HEATR4: variants seen among roughly 807,000 people sequenced by gnomAD.
HEATR4 encodes HEAT repeat-containing protein 4.
In HEATR4, 95 loss-of-function variants were observed where a neutral mutation model predicts 108.8. The ratio of observed to expected loss-of-function variants is 0.87; its 90% confidence interval spans 0.74 to 1.04. The LOEUF is 1.04. HEATR4 is among the 50% of genes least tolerant of loss of function. The pLI is 0.00. For missense variants in HEATR4, 1,152 were observed against 1,253.8 expected, an observed-to-expected ratio of 0.92 and a Z score of 1.23; for synonymous variants, 443 against 459.4, an observed-to-expected ratio of 0.96 and a Z score of 0.46.
At chr14:73,580,046 C>T in the HEATR4 span, among the ~76,000 whole-genome samples, 3 of 151,986 alleles carry the variant, frequency 2.0e-5, no homozygotes, top group African/African-American at 7.2e-5. Context: ...TGCAGTGAGC[C>T]AAGATTGTGT....
chr14:73,564,918 T>TA, the HEATR4 span, among the ~76,000 whole-genome samples: 8 of 151,846 alleles, frequency 5.3e-5, no homozygotes, highest in Non-Finnish European at 8.8e-5. Flanking sequence ...AATATCTTGG[T>TA]AAAAAATATA....
chr14:73,520,360 C>G (rs1356590547), intron 4 of HEATR4: 2 of 153,454 alleles, frequency 1.3e-5, no homozygotes, highest in African/African-American at 2.4e-5. Context: ...TTGTTAACAT[C>G]ACTTCACAAA....
chr14:73,512,411 A>ATTT (rs1325317138), intron 6 of HEATR4, among the ~76,000 whole-genome samples: 1 of 152,180 alleles, frequency 6.6e-6, no homozygotes, highest in Non-Finnish European at 1.5e-5. Context: ...TTTTCGTTGT[A>ATTT]ACCATCTGGG....
chr14:73,526,622 G>C (rs1406255640), intron 2 of HEATR4, among the ~76,000 whole-genome samples: 1 of 152,170 alleles, frequency 6.6e-6, no homozygotes, highest in Non-Finnish European at 1.5e-5. Context: ...TAAAGCACCA[G>C]GCAGAATCCT....
At chr14:73,484,922 G>A (rs1482460501) in intron 17 of HEATR4, among the ~76,000 whole-genome samples, 5 of 151,836 alleles carry the variant, frequency 3.3e-5, no homozygotes, top group African/African-American at 1.2e-4. Context: ...CCAGCACTTT[G>A]GAAGGCTGAG....
At chr14:73,626,941 G>A in the HEATR4 span, among the ~76,000 whole-genome samples, 4 of 151,160 alleles carry the variant, frequency 2.6e-5, no homozygotes, top group East Asian at 2.0e-4. Flanking sequence ...ACAGGTATGC[G>A]CCACCACACC....
the HEATR4 span, chr14:73,569,596 T>C: frequency 6.2e-7 from 1 of 1,602,146 alleles, no homozygotes; most frequent in Non-Finnish European, 8.5e-7. Flanking sequence ...GCCGACACTC[T>C]TGGCGAGCTG....
the HEATR4 span, among the ~76,000 whole-genome samples, chr14:73,598,149 G>A: frequency 0.15 from 20,728 of 140,140 alleles, 2,090 homozygotes; most frequent in Non-Finnish European, 0.22. Flanking sequence ...CGAGGTGGGC[G>A]GATCATGAGG....
intron 17 of HEATR4, among the ~76,000 whole-genome samples, chr14:73,481,714 G>A (rs1033748332): frequency 3.9e-4 from 59 of 151,770 alleles, no homozygotes; most frequent in African/African-American, 3.4e-4. Context: ...GCATGGTGGC[G>A]GGCACCTGTA....
intron 1 of HEATR4, among the ~76,000 whole-genome samples, chr14:73,549,253 T>A (rs1889283548): frequency 8.9e-6 from 1 of 112,958 alleles, no homozygotes; most frequent in Non-Finnish European, 1.9e-5. Flanking sequence ...CCCAAATGCC[T>A]CGTGATGTGT....
chr14:73,593,949 T>G, the HEATR4 span: 1 of 1,534,424 alleles, frequency 6.5e-7, no homozygotes. Context: ...TAGAAATATT[T>G]CCATAGAGAG....
the HEATR4 span, chr14:73,567,653 G>A: frequency 6.6e-6 from 1 of 152,064 alleles, no homozygotes; most frequent in South Asian, 2.1e-4. Flanking sequence ...GCTGATGGAA[G>A]CTTTGTTCTT....
In HEATR4 at chr14:73,522,559, C is replaced by T. The variant is rs1888041018; in HGVS notation, c.594G>A (p.Glu198=). ...GCACAGTGGCCTCCCACGCTCTGGC[C>T]TCCTTCTCAGGAGGCAGAAGCCAGG... The part of the protein sequence containing the change: ...REAWLLPPEK[E]ARAWEATVLE... The change falls in exon 3 of 18, where the codon GAG becomes GAA. Residue 198 remains glutamate (E), a synonymous_variant. Coordinates refer to ENST00000553558, the MANE Select transcript of HEATR4 (RefSeq NM_001220484.1). 1.2e-6 allele frequency: 2 copies of T among 1,614,194 alleles called. No homozygotes were observed. The highest frequency in any genetic ancestry group is 1.7e-6 in the Non-Finnish European group (2 of 1,180,012).
chr14:73,509,489 C>T lies in HEATR4; in HGVS notation c.1559-16G>A, dbSNP rs373452672. On this transcript the variant is annotated splice_polypyrimidine_tract_variant and intron_variant, in intron 7 of 17. Transcript: ENST00000553558. Reference sequence around the variant, plus strand: ...ATGGTCTTGTCTGTGATCAAAAGAGCCAGGTAAGAGAGTACTAGCCCCTTT... The same window carrying T: ...ATGGTCTTGTCTGTGATCAAAAGAGTCAGGTAAGAGAGTACTAGCCCCTTT... The T allele has an allele frequency of 1.4e-4, 233 of 1,612,966 alleles. No homozygotes were observed. The African/African-American group carries it at 2.8e-3, about 20-fold the overall frequency.
chr14:73,485,911 A>C (rs1459614456), intron 17 of HEATR4, among the ~76,000 whole-genome samples: 1 of 151,444 alleles, frequency 6.6e-6, no homozygotes, highest in Non-Finnish European at 1.5e-5. Flanking sequence ...ACAGCGTCTC[A>C]CCATGTTGCT....
the HEATR4 span, chr14:73,568,261 G>A: frequency 6.6e-6 from 1 of 152,068 alleles, no homozygotes; most frequent in African/African-American, 2.4e-5. Flanking sequence ...TGGGTTTGAA[G>A]CCTACACATT....
chr14:73,491,374 G>C, intron 17 of HEATR4: 1 of 1,360,258 alleles, frequency 7.4e-7, no homozygotes, highest in South Asian at 1.9e-5. Flanking sequence ...AGACCCCGTC[G>C]GCGCGCCTGG....
At chr14:73,619,954 T>C in the HEATR4 span, 9 of 1,196,712 alleles carry the variant, frequency 7.5e-6, no homozygotes, top group Non-Finnish European at 9.0e-6. Context: ...CTCTGTCACA[T>C]AGGCTGGAGT....
At chr14:73,585,067 A>G in the HEATR4 span, among the ~76,000 whole-genome samples, 15 of 150,382 alleles carry the variant, frequency 1.0e-4, no homozygotes, top group Admixed American at 1.0e-3. Context: ...GGTGCCACCC[A>G]GGCCTGTCTG....
Sources: gnomAD v4.1 joint callset for allele counts (sites outside exome capture counted in the v4.1 genomes callset) on GRCh38, gnomAD v4.1.1 for gene constraint, MANE v1.5 for transcripts, NCBI Gene and HGNC (gene_info 2026-07-23, HGNC 2026-07-21) for gene names.